POFUT3: variants seen among roughly 807,000 people sequenced by gnomAD.
POFUT3 encodes protein O-fucosyltransferase 3, also known as GDP-fucose protein O-fucosyltransferase 3.
chr8:33,438,447 C>T, the POFUT3 span, among the ~76,000 whole-genome samples: 29 of 152,232 alleles, frequency 1.9e-4, no homozygotes, highest in East Asian at 4.3e-3. Flanking sequence ...GGTGCGGTGG[C>T]GCATGCCTGT....
At chr8:33,452,674 A>C in the POFUT3 span, 1 of 134,882 alleles carries the variant, frequency 7.4e-6, no homozygotes. Context: ...TAACATACTT[A>C]GATTGTTACA....
At chr8:33,455,767 T>TA in the POFUT3 span, 2 of 454,972 alleles carry the variant, frequency 4.4e-6, no homozygotes, top group South Asian at 1.6e-5. Context: ...CCAAGAGTGT[T>TA]ACCTCTTTTA....
chr8:33,386,188 C>CAAAAAAAAAAAAAA, the POFUT3 span, among the ~76,000 whole-genome samples: 3 of 32,046 alleles, frequency 9.4e-5, no homozygotes, highest in East Asian at 1.3e-3. Context: ...GGCTCCATCT[C>CAAAAAAAAAAAAAA]AAAAAAAAAA....
the POFUT3 span, chr8:33,436,547 T>C: frequency 1.0e-6 from 1 of 974,000 alleles, no homozygotes; most frequent in Non-Finnish European, 1.7e-6. Flanking sequence ...AGGTTGCGTA[T>C]GGCATCTTCC....
the POFUT3 span, among the ~76,000 whole-genome samples, chr8:33,364,401 A>G: frequency 6.6e-6 from 1 of 152,222 alleles, no homozygotes; most frequent in African/African-American, 2.4e-5. Flanking sequence ...TATTCAATAT[A>G]CTGTTGGAAG....
At chr8:33,312,138 T>C in the POFUT3 span, among the ~76,000 whole-genome samples, 1 of 152,124 alleles carries the variant, frequency 6.6e-6, no homozygotes. Context: ...GGCACATACC[T>C]GTAGTTCCAG....
At chr8:33,470,938 AAAGT>A in the POFUT3 span, among the ~76,000 whole-genome samples, 1 of 152,110 alleles carries the variant, frequency 6.6e-6, no homozygotes, top group African/African-American at 2.4e-5. Flanking sequence ...GAGTCATCAC[AAAGT>A]AAGATTTCCG....
chr8:33,357,075 C>T, the POFUT3 span, among the ~76,000 whole-genome samples: 3 of 152,124 alleles, frequency 2.0e-5, no homozygotes, highest in Admixed American at 6.6e-5. Flanking sequence ...GTTACTGTAG[C>T]CTTATAGTAT....
the POFUT3 span, among the ~76,000 whole-genome samples, chr8:33,397,081 T>A: frequency 1.3e-5 from 2 of 152,162 alleles, no homozygotes; most frequent in Non-Finnish European, 2.9e-5. Flanking sequence ...TGACCTGAGT[T>A]TTTTCTCATT....
chr8:33,326,683 A>G, the POFUT3 span, among the ~76,000 whole-genome samples: 3 of 152,282 alleles, frequency 2.0e-5, no homozygotes, highest in South Asian at 4.1e-4. Context: ...ATTCTTTTAG[A>G]GCTTCCTTTG....
At chr8:33,361,739 A>G in the POFUT3 span, among the ~76,000 whole-genome samples, 1 of 152,192 alleles carries the variant, frequency 6.6e-6, no homozygotes. Context: ...AGGCAGTTTA[A>G]TATTCTGAGT....
At chr8:33,466,195 T>A in the POFUT3 span, among the ~76,000 whole-genome samples, 1 of 151,798 alleles carries the variant, frequency 6.6e-6, no homozygotes, top group East Asian at 1.9e-4. Flanking sequence ...GGCAGGAAGA[T>A]CCCTTGAGCC....
At chr8:33,454,436 G>A in the POFUT3 span, among the ~76,000 whole-genome samples, 1 of 152,144 alleles carries the variant, frequency 6.6e-6, no homozygotes, top group Non-Finnish European at 1.5e-5. Flanking sequence ...ATTACATGGG[G>A]TCCACATGAA....
At chr8:33,349,316 C>G in the POFUT3 span, among the ~76,000 whole-genome samples, 1 of 152,150 alleles carries the variant, frequency 6.6e-6, no homozygotes, top group African/African-American at 2.4e-5. Context: ...TTTGGGGGAA[C>G]AGGTGGCTTT....
chr8:33,372,002 G>A, the POFUT3 span: 1 of 240,344 alleles, frequency 4.2e-6, no homozygotes, highest in Non-Finnish European at 6.7e-6. Context: ...ACTAAAGAAA[G>A]TGAGAGAGGT....
At chr8:33,397,111 G>A in the POFUT3 span, among the ~76,000 whole-genome samples, 492 of 152,228 alleles carry the variant, frequency 3.2e-3, 5 homozygotes, top group African/African-American at 0.011. Flanking sequence ...GGATTAAATC[G>A]TTTGTTTCAC....
the POFUT3 span, among the ~76,000 whole-genome samples, chr8:33,424,866 C>T: frequency 3.9e-5 from 6 of 152,176 alleles, no homozygotes; most frequent in Non-Finnish European, 7.3e-5. Flanking sequence ...GTTTCAGGAA[C>T]GCACAGCACT....
the POFUT3 span, among the ~76,000 whole-genome samples, chr8:33,323,371 G>T: frequency 2.0e-5 from 3 of 152,160 alleles, no homozygotes; most frequent in Admixed American, 1.3e-4. Flanking sequence ...CTGCAAATCT[G>T]CAGGGTGCAT....
the POFUT3 span, among the ~76,000 whole-genome samples, chr8:33,326,684 G>A: frequency 6.6e-6 from 1 of 152,132 alleles, no homozygotes; most frequent in Non-Finnish European, 1.5e-5. Context: ...TTCTTTTAGA[G>A]CTTCCTTTGC....
Sources: gnomAD v4.1 joint callset for allele counts (sites outside exome capture counted in the v4.1 genomes callset) on GRCh38, gnomAD v4.1.1 for gene constraint, MANE v1.5 for transcripts, NCBI Gene and HGNC (gene_info 2026-07-23, HGNC 2026-07-21) for gene names.